The following BICD2 variants were observed in gnomAD, a reference collection of about 807,000 sequenced individuals.
BICD2 encodes protein bicaudal D homolog 2.
A neutral mutation model predicts 72.9 loss-of-function variants in BICD2; 25 were observed. That is an observed-to-expected ratio of 0.34 (90% confidence interval 0.25 to 0.48). The LOEUF is 0.48. Ranked by LOEUF, BICD2 falls within the 20% of genes least tolerant of loss-of-function variation. The pLI is 0.99. For synonymous variants in BICD2, 501 were observed against 516.1 expected, an observed-to-expected ratio of 0.97 and a Z score of 0.40; for missense variants, 894 against 1,175.2, an observed-to-expected ratio of 0.76 and a Z score of 3.50.
intron 1 of BICD2, among the ~76,000 whole-genome samples, chr9:92,757,545 A>G (rs1188084477): frequency 3.1e-5 from 4 of 128,558 alleles, no homozygotes; most frequent in Non-Finnish European, 6.3e-5. Flanking sequence ...TCTATTTTCT[A>G]TTAGCTGGGC....
chr9:92,744,507 A>C lies in BICD2; in HGVS notation c.241-15271T>G, dbSNP rs143977889. Among the ~76,000 whole-genome samples, 581 of 152,006 alleles carry C rather than the reference A, an allele frequency of 3.8e-3. 3 individuals are homozygous for C. The highest frequency in any genetic ancestry group is 0.013 in the African/African-American group (550 of 41,432). ...TTTATAGTTTCCATATTTACCTTAC[A>C]CTCCAGTAAAAGCTTATTTTTATTA... On this transcript the variant is annotated intron_variant, in intron 1 of 6. Transcript: ENST00000356884.
At chr9:92,717,483 T>C (rs1853341635) in intron 6 of BICD2, among the ~76,000 whole-genome samples, 1 of 152,246 alleles carries the variant, frequency 6.6e-6, no homozygotes, top group Non-Finnish European at 1.5e-5. Context: ...AGGCATGCCC[T>C]ATGCTCCAGC....
intron 1 of BICD2, among the ~76,000 whole-genome samples, chr9:92,738,129 G>C (rs941176704): frequency 6.6e-6 from 1 of 152,184 alleles, no homozygotes. Flanking sequence ...CTCTGCCACT[G>C]GTCAGCTATG....
At chr9:92,763,732 C>A (rs2131541741) in intron 1 of BICD2, among the ~76,000 whole-genome samples, 1 of 152,300 alleles carries the variant, frequency 6.6e-6, no homozygotes, top group Non-Finnish European at 1.5e-5. Flanking sequence ...TGACACAGAC[C>A]ACTGAGGTCT....
At chr9:92,753,522 G>A (rs1387953158) in intron 1 of BICD2, among the ~76,000 whole-genome samples, 1 of 151,896 alleles carries the variant, frequency 6.6e-6, no homozygotes, top group African/African-American at 2.4e-5. Context: ...ATGATAAAAG[G>A]GCAGCACAGT....
chr9:92,747,901 G>C (rs754956161), intron 1 of BICD2, among the ~76,000 whole-genome samples: 12 of 152,242 alleles, frequency 7.9e-5, no homozygotes, highest in Non-Finnish European at 1.0e-4. Flanking sequence ...ACAGCTGGGA[G>C]GTGACAGGCC....
chr9:92,760,395 C>T (rs1197192898), intron 1 of BICD2, among the ~76,000 whole-genome samples: 2 of 152,198 alleles, frequency 1.3e-5, no homozygotes, highest in Non-Finnish European at 2.9e-5. Flanking sequence ...GCACACCATC[C>T]GCATGCCTAG....
intron 1 of BICD2, among the ~76,000 whole-genome samples, chr9:92,758,768 C>T (rs1180935651): frequency 1.3e-5 from 2 of 151,790 alleles, no homozygotes; most frequent in African/African-American, 4.8e-5. Context: ...GCAGGAGAAT[C>T]GCTGGAACCT....
chr9:92,750,046 A>G (rs1854116233), intron 1 of BICD2, among the ~76,000 whole-genome samples: 1 of 152,214 alleles, frequency 6.6e-6, no homozygotes, highest in South Asian at 2.1e-4. Context: ...TCTTCACCTT[A>G]TTAGCACTGT....
chr9:92,738,386 CA>C (rs1417984760), intron 1 of BICD2, among the ~76,000 whole-genome samples: 1 of 152,206 alleles, frequency 6.6e-6, no homozygotes, highest in African/African-American at 2.4e-5. Context: ...GTGCTGGTTC[CA>C]AAGTGGCCTC....
Position 92,729,530 on chromosome 9 carries a change from G to A in BICD2, c.241-294C>T, listed in dbSNP as rs116144068. The stretch of plus-strand genomic sequence containing the variant: ...GCAAGACAAGTGCTGGAGTCAGGGA[G>A]CTACAGTGGGCATGTGTGACAGCAG... On this transcript the variant is annotated intron_variant, in intron 1 of 6. Coordinates refer to ENST00000356884, the MANE Select transcript of BICD2 (RefSeq NM_001003800.2). 8.3e-3 allele frequency among the ~76,000 whole-genome samples: 1,267 copies of A among 152,372 alleles called. 33 individuals are homozygous for A. The highest frequency in any genetic ancestry group is 0.029 in the African/African-American group (1,206 of 41,590).
At position 92,739,866 on chromosome 9, in the gene BICD2, C is replaced by T. The variant is rs550066772; in HGVS notation, c.241-10630G>A. On this transcript the variant is annotated intron_variant, in intron 1 of 6. Transcript: ENST00000356884. ...AGGCCTCAGACACCTTGCTCCACTC[C>T]GGGAAGGTCTGCATGTGCTGTTCAG... is the stretch of plus-strand genomic sequence containing the variant. Among the ~76,000 whole-genome samples, 7 of 152,264 alleles carry T rather than the reference C, an allele frequency of 4.6e-5. No individual in the cohort carries two copies. In the South Asian group the frequency reaches 8.3e-4, roughly 18 times the overall value.
At chr9:92,762,920 G>C (rs943609474) in intron 1 of BICD2, among the ~76,000 whole-genome samples, 3 of 152,166 alleles carry the variant, frequency 2.0e-5, no homozygotes, top group African/African-American at 7.2e-5. Context: ...CAGGAGACCA[G>C]AAACTGGCCG....
intron 1 of BICD2, among the ~76,000 whole-genome samples, chr9:92,751,134 T>TTG (rs1554708674): frequency 3.3e-5 from 5 of 150,348 alleles, no homozygotes; most frequent in African/African-American, 7.3e-5. Flanking sequence ...TGGTTGGTTT[T>TTG]TTGTTGTTGT....
chr9:92,738,255 G>A (rs1177743368), intron 1 of BICD2, among the ~76,000 whole-genome samples: 2 of 152,228 alleles, frequency 1.3e-5, no homozygotes, highest in African/African-American at 2.4e-5. Flanking sequence ...CCAGGTCAGG[G>A]TCATCCACAA....
chr9:92,721,081 G>A (rs1351935898), intron 3 of BICD2, among the ~76,000 whole-genome samples: 2 of 152,336 alleles, frequency 1.3e-5, no homozygotes, highest in South Asian at 2.1e-4. Context: ...AGGACTGTAC[G>A]TGTGGAGATG....
chr9:92,760,296 C>A (rs1000095269), intron 1 of BICD2, among the ~76,000 whole-genome samples: 14 of 152,226 alleles, frequency 9.2e-5, no homozygotes, highest in African/African-American at 1.7e-4. Flanking sequence ...TCCCCAAAGA[C>A]GAGCTGCTCC....
chr9:92,758,025 G>A (rs1469280494), intron 1 of BICD2, among the ~76,000 whole-genome samples: 2 of 151,788 alleles, frequency 1.3e-5, no homozygotes, highest in Admixed American at 1.3e-4. Flanking sequence ...CCAACATGGT[G>A]AAACCTCATC....
intron 1 of BICD2, among the ~76,000 whole-genome samples, chr9:92,761,317 G>A (rs987648595): frequency 2.0e-5 from 3 of 152,212 alleles, no homozygotes; most frequent in Non-Finnish European, 4.4e-5. Context: ...ACCTGAGTGA[G>A]GCATGAGATT....
Sources: allele counts gnomAD v4.1 joint callset (sites outside exome capture counted in the v4.1 genomes callset), GRCh38; gene constraint gnomAD v4.1.1; transcripts MANE v1.5; gene names NCBI Gene and HGNC (gene_info 2026-07-23, HGNC 2026-07-21).